The following ABCA8 variants were observed in gnomAD, a reference collection of about 807,000 sequenced individuals.
ABCA8 encodes the protein ABC-type organic anion transporter ABCA8.
A neutral mutation model predicts 192.3 loss-of-function variants in ABCA8; 177 were observed. That is an observed-to-expected ratio of 0.92 (90% CI 0.81 to 1.04). The LOEUF is 1.04. ABCA8 is among the 50% of genes least tolerant of loss of function. ABCA8 has a pLI of 0.00. For missense variants in ABCA8, 1,915 were observed against 1,904.8 expected (o/e 1.01, Z -0.10); for synonymous variants, 642 against 690.2 (o/e 0.93, Z 1.09).
In ABCA8 at chr17:68,881,921, A is replaced by G. The variant is rs1452682470; in HGVS notation, c.3888T>C (p.Cys1296=). The stretch of plus-strand genomic sequence containing the variant: ...CTATCTTATTCTTCCTCTTGGAAAA[A>G]CAGCCTTTCCTCTTCCCTGCATACT... The part of the protein sequence containing the change: ...RKEYAGKRKG[C]FSKRKNKIAT... Residue 1296 remains cysteine (C), a synonymous_variant, in exon 31 of 40, where the codon TGT becomes TGC. Coordinates refer to ENST00000586539, the MANE Select transcript of ABCA8 (RefSeq NM_001288985.2). The G allele has an allele frequency of 6.2e-7, 1 of 1,613,996 alleles. No individual in the cohort carries two copies. The highest frequency in any genetic ancestry group is 2.2e-5 in the East Asian group (1 of 44,882).
intron 15 of ABCA8, 64 bp downstream of exon 15, chr17:68,918,363 G>T (rs1442474822): frequency 6.6e-6 from 10 of 1,525,144 alleles, no homozygotes; most frequent in Non-Finnish European, 8.8e-6. Flanking sequence ...TAAAATATTT[G>T]AACTATTACC....
At chr17:68,909,054 C>T (rs2067167433) in intron 17 of ABCA8, among the ~76,000 whole-genome samples, 2 of 151,992 alleles carry the variant, frequency 1.3e-5, no homozygotes, top group South Asian at 4.1e-4. Context: ...AAGAGTGAAG[C>T]AAAAAATGTC....
At position 68,955,331 on chromosome 17, in the gene ABCA8, G is replaced by A. The variant is rs1486435843; in HGVS notation, c.-279C>T. The A allele has an allele frequency of 2.0e-5, 3 of 152,136 alleles. No homozygotes were observed. The highest frequency in any genetic ancestry group is 4.4e-5 in the Non-Finnish European group (3 of 68,008). The allele number at this position is 152,136 out of a possible 1,614,324, so 9.4% of individuals were successfully genotyped here. Reference sequence around the variant, plus strand: ...GGTCTCTACCATGTATCTAGAATTTGCTTTAACTATTTGACTTCTGTGAAA... The same window carrying A: ...GGTCTCTACCATGTATCTAGAATTTACTTTAACTATTTGACTTCTGTGAAA... On this transcript the variant is annotated 5_prime_UTR_variant, in exon 1 of 40. Coordinates refer to ENST00000586539, the MANE Select transcript of ABCA8 (RefSeq NM_001288985.2).
At chr17:68,922,375 G>C in intron 11 of ABCA8, 75 bp from the exon 12 acceptor site, 4 of 1,033,434 alleles carry the variant, frequency 3.9e-6, no homozygotes, top group Non-Finnish European at 5.5e-6. Flanking sequence ...GACAGGATTG[G>C]ATAAATCTTA....
At chr17:68,886,607 C>T (rs2143332182) in intron 26 of ABCA8, among the ~76,000 whole-genome samples, 1 of 152,254 alleles carries the variant, frequency 6.6e-6, no homozygotes, top group Middle Eastern at 3.4e-3. Context: ...TGGTTGCTTA[C>T]TCATCTGTTT....
intron 17 of ABCA8, among the ~76,000 whole-genome samples, chr17:68,909,313 T>C (rs145650694): frequency 2.0e-3 from 302 of 152,336 alleles, no homozygotes; most frequent in African/African-American, 7.1e-3. Context: ...ACTCTGCTGT[T>C]GTAACATGGA....
chr17:68,898,882 C>G (rs560273316), intron 21 of ABCA8, among the ~76,000 whole-genome samples: 3 of 152,146 alleles, frequency 2.0e-5, no homozygotes, highest in African/African-American at 7.2e-5. Flanking sequence ...CATATCACAT[C>G]TATATGTTTT....
In ABCA8 at chr17:68,877,679, C is replaced by T. The variant is rs757311797; in HGVS notation, c.4039G>A (p.Val1347Met). The T allele has an allele frequency of 8.1e-6, 13 of 1,608,374 alleles. No homozygotes were observed. The highest frequency in any genetic ancestry group is 3.3e-4 in the Middle Eastern group (2 of 6,024). The change falls in exon 33 of 40, where the codon GTG (valine) becomes ATG (methionine). Residue 1347 changes from valine to methionine, a missense_variant and splice_region_variant. By Grantham distance (21) the Val-to-Met change is conservative (BLOSUM62 1). Coordinates refer to ENST00000586539, the MANE Select transcript of ABCA8 (RefSeq NM_001288985.2). ...TGDTKPTAGQ[V>M]LLKGSGGGDA... ...CCTCCACCGCTCCCTTTCAGTAGCACCTGCAGATGAAAGTTCCCTCTCAGA... is the reference window on the plus strand; with the variant it reads ...CCTCCACCGCTCCCTTTCAGTAGCATCTGCAGATGAAAGTTCCCTCTCAGA...
rs1057222738 is a variant in ABCA8, at chr17:68,911,595, C to T, written c.2139-3716G>A. On this transcript the variant is annotated intron_variant, in intron 17 of 39. Transcript: ENST00000586539. This position sits in a 1 kb window ranked among gnomAD's most constrained non-coding sequence, Gnocchi z 5.7. The stretch of plus-strand genomic sequence containing the variant: ...CCCTTGGGCTTAGAGTGAACATTGG[C>T]GGTAGCCAGGCAGTGGTCGCTGCGG... 7.9e-5 allele frequency among the ~76,000 whole-genome samples: 12 copies of T among 151,712 alleles called. No individual in the cohort carries two copies. The highest frequency in any genetic ancestry group is 2.2e-4 in the African/African-American group (9 of 41,270).
At position 68,929,590 on chromosome 17, in the gene ABCA8, T is replaced by C. The variant is rs774824192; in HGVS notation, c.910A>G (p.Ser304Gly). 3.1e-6 allele frequency: 5 copies of C among 1,613,794 alleles called. No homozygotes were observed. The highest frequency in any genetic ancestry group is 4.2e-6 in the Non-Finnish European group (5 of 1,179,818). The change falls in exon 8 of 40, where the codon AGC becomes GGC. Residue 304 changes from serine to glycine, a missense_variant. Coordinates refer to ENST00000586539, the MANE Select transcript of ABCA8 (RefSeq NM_001288985.2). ...IILSGFMVVF[S>G]LFLLYGLSLV... Reference sequence around the variant, plus strand: ...GATAATCCATACAGGAGAAAGAGGCTGAAGACTACCATGAAGCCAGACAAA... The same window carrying C: ...GATAATCCATACAGGAGAAAGAGGCCGAAGACTACCATGAAGCCAGACAAA...
chr17:68,941,867 G>T, intron 3 of ABCA8, 72 bp downstream of exon 3: 1 of 1,038,732 alleles, frequency 9.6e-7, no homozygotes. Context: ...AGATACACAT[G>T]GCATAGATAA....
intron 4 of ABCA8, among the ~76,000 whole-genome samples, chr17:68,940,318 C>T (rs1418755292): frequency 6.6e-6 from 1 of 152,016 alleles, no homozygotes; most frequent in African/African-American, 2.4e-5. Flanking sequence ...GGTTAAAATT[C>T]CTATAATCAA....
chr17:68,918,053 G>T lies in ABCA8; in HGVS notation c.2041C>A (p.Leu681Met). ...STQFMDEADI[L>M]ADRKVFLSQG... ...AACAGAAACCAGTGATTACCCGCCA[G>T]GATGTCGGCCTCATCCATGAACTGG... Residue 681 changes from leucine (L) to methionine (M), a missense_variant, in exon 16 of 40, where the codon CTG becomes ATG. Physicochemically the swap from Leu to Met is conservative, Grantham distance 15. Coordinates refer to ENST00000586539, the MANE Select transcript of ABCA8 (RefSeq NM_001288985.2). The T allele has an allele frequency of 1.2e-6, 2 of 1,614,006 alleles. No individual in the cohort carries two copies. The highest frequency in any genetic ancestry group is 8.5e-7 in the Non-Finnish European group (1 of 1,179,978).
intron 3 of ABCA8, 23 bp from the exon 4 acceptor site, chr17:68,940,985 TAAAG>T (rs1567882496): frequency 1.9e-6 from 3 of 1,539,068 alleles, no homozygotes; most frequent in Non-Finnish European, 1.8e-6. Context: ...GGAAAAAAGA[TAAAG>T]AAAAGTCTTA....
At chr17:68,868,394 A>C in intron 38 of ABCA8, 38 bp from the exon 39 acceptor site, 22 of 1,548,184 alleles carry the variant, frequency 1.4e-5, no homozygotes, top group South Asian at 2.2e-5. Context: ...CATATATTTC[A>C]TATCTAGAGG....
intron 3 of ABCA8, among the ~76,000 whole-genome samples, chr17:68,941,223 G>C: frequency 6.6e-6 from 1 of 152,062 alleles, no homozygotes. Context: ...AGGGCATTCT[G>C]ATAATTCTAA....
intron 13 of ABCA8, 57 bp downstream of exon 13, chr17:68,921,325 A>G: frequency 1.6e-6 from 2 of 1,280,658 alleles, no homozygotes; most frequent in Non-Finnish European, 2.2e-6. Context: ...CGTTGTGCAC[A>G]TGTACCCTAA....
At chr17:68,930,984 A>G (rs2067854650) in intron 7 of ABCA8, among the ~76,000 whole-genome samples, 1 of 151,680 alleles carries the variant, frequency 6.6e-6, no homozygotes, top group African/African-American at 2.4e-5. Context: ...GAATCACCCA[A>G]CCTCTGACAT....
At chr17:68,889,023 T>C (rs972713966) in intron 24 of ABCA8, among the ~76,000 whole-genome samples, 2 of 152,210 alleles carry the variant, frequency 1.3e-5, no homozygotes, top group Non-Finnish European at 2.9e-5. Context: ...AAAGTGTTCA[T>C]GTTTCCTGCG....
Sources: gnomAD v4.1 joint callset for allele counts (sites outside exome capture counted in the v4.1 genomes callset) on GRCh38, gnomAD v4.1.1 for gene constraint, Gnocchi (gnomAD v3.1) non-coding constraint, MANE v1.5 for transcripts, NCBI Gene and HGNC (gene_info 2026-07-23, HGNC 2026-07-21) for gene names.